The following CCDC142 variants were observed in gnomAD, a reference collection of about 807,000 sequenced individuals.
CCDC142 encodes the protein coiled-coil domain containing 142.
Under a neutral mutation model 83.8 loss-of-function variants are expected in CCDC142, and 67 were observed. That is an observed-to-expected ratio of 0.80 (90% CI 0.66 to 0.98). CCDC142 has a LOEUF of 0.98. CCDC142 is among the 50% of genes least tolerant of loss of function. The pLI is 0.00. For missense variants in CCDC142, 905 were observed against 946.8 expected (o/e 0.96, Z 0.58); for synonymous variants, 421 against 421.2 (o/e 1.00, Z 0.01).
intron 3 of CCDC142, 55 bp from the exon 4 acceptor site, chr2:74,481,141 A>G: frequency 6.2e-7 from 1 of 1,610,512 alleles, no homozygotes; most frequent in Non-Finnish European, 8.5e-7. Flanking sequence ...TACCTTTGGG[A>G]AGAGGCAGAT....
At position 74,474,771 on chromosome 2, in the gene CCDC142, C is replaced by T. The variant is rs369646888; in HGVS notation, c.2028G>A (p.Leu676=). The T allele has an allele frequency of 1.2e-6, 2 of 1,612,580 alleles. No individual in the cohort carries two copies. Among genetic ancestry groups the T allele is most frequent in the African/African-American group, 2.7e-5 (2 of 74,906 alleles). The change falls in exon 9 of 9, where the codon TTG becomes TTA. Residue 676 remains leucine, a synonymous_variant. Coordinates refer to ENST00000393965, the MANE Select transcript of CCDC142 (RefSeq NM_001365575.2). ...CACQEVQTTK[L]PSSCLNSLES... ...CCAGGCTATTGAGGCAGCTGCTGGG[C>T]AATTTCGTGGTCTGGACCTCCTGAC... is the stretch of plus-strand genomic sequence containing the variant.
rs1324728305 is a variant in CCDC142 at position 74,480,845 on chromosome 2, G to C, written c.1427C>G (p.Ala476Gly). The change falls in exon 5 of 9, where the codon GCC (alanine) becomes GGC (glycine). Residue 476 changes from alanine (A) to glycine (G), a missense_variant. By Grantham distance (60) the Ala-to-Gly change is moderately conservative. Coordinates refer to ENST00000393965, the MANE Select transcript of CCDC142 (RefSeq NM_001365575.2). Reference sequence around the variant, plus strand: ...TTCCAGAGCTAAGCTTTCCTCTGAGGCCAGGCTATACAAAGCTTCTGCCTC... The same window carrying C: ...TTCCAGAGCTAAGCTTTCCTCTGAGCCCAGGCTATACAAAGCTTCTGCCTC... Reference protein sequence around the residue: ...LHEAEALYSLASEESLALEVE... With the variant: ...LHEAEALYSLGSEESLALEVE... 6.2e-7 allele frequency: 1 copy of C among 1,613,854 alleles called. No homozygotes were observed. The highest frequency in any genetic ancestry group is 8.5e-7 in the Non-Finnish European group (1 of 1,179,868).
Position 74,474,812 on chromosome 2 carries a change from C to G in CCDC142, c.1997-10G>C. The stretch of plus-strand genomic sequence containing the variant: ...ACCTCCTGACAAGCACCTGGTAAGG[C>G]AGGAGTGGAAGGTAGGTGGCTGCTG... On this transcript the variant is annotated splice_polypyrimidine_tract_variant and intron_variant, in intron 8 of 8. Coordinates refer to ENST00000393965, the MANE Select transcript of CCDC142 (RefSeq NM_001365575.2). The G allele has an allele frequency of 1.2e-6, 2 of 1,602,006 alleles. No individual in the cohort carries two copies. The highest frequency in any genetic ancestry group is 1.7e-6 in the Non-Finnish European group (2 of 1,172,676).
intron 5 of CCDC142, among the ~76,000 whole-genome samples, chr2:74,477,938 C>T (rs940499524): frequency 1.3e-5 from 2 of 150,096 alleles, no homozygotes; most frequent in Non-Finnish European, 3.0e-5. Context: ...AAGAACAGGG[C>T]ACATGTTCTC....
chr2:74,478,264 G>A, intron 5 of CCDC142, among the ~76,000 whole-genome samples: 1 of 151,440 alleles, frequency 6.6e-6, no homozygotes. Flanking sequence ...GTTTCACCAT[G>A]TTGGCCAGGC....
Position 74,475,571 on chromosome 2 carries a change from C to A in CCDC142, c.1618+41G>T, listed in dbSNP as rs762110529. ...TTGGAAGGGCTGAGACACTATTACC[C>A]CCTTGGAACTCTGGAAGGAGAAGCT... is the stretch of plus-strand genomic sequence containing the variant. On this transcript the variant is annotated intron_variant, in intron 6 of 8. Coordinates refer to ENST00000393965, the MANE Select transcript of CCDC142 (RefSeq NM_001365575.2). 5 of 1,553,182 alleles carry A rather than the reference C, an allele frequency of 3.2e-6. No homozygotes were observed. The South Asian group carries it at 4.5e-5, about 14-fold the overall frequency.
Position 74,475,613 on chromosome 2 carries a change from AG to A in CCDC142, c.1616del (p.Pro539LeufsTer13). 6.2e-7 allele frequency: 1 copy of A among 1,612,154 alleles called. No homozygotes were observed. The highest frequency in any genetic ancestry group is 8.5e-7 in the Non-Finnish European group (1 of 1,178,284). On this transcript the variant is annotated frameshift_variant and splice_region_variant, in exon 6 of 9. Coordinates refer to ENST00000393965, the MANE Select transcript of CCDC142 (RefSeq NM_001365575.2). LOFTEE classifies it high-confidence loss of function. The part of the protein sequence containing the change: ...RGRYWRLRLC[P>X]EPPSAPSEYA... Reference sequence around the variant, plus strand: ...GGAGAAGCTGGGATGAGGAGTTACCAGGACAGAGACGAAGCCGCCAGTACCG... The same window carrying A: ...GGAGAAGCTGGGATGAGGAGTTACCAGACAGAGACGAAGCCGCCAGTACCG...
In CCDC142 at chr2:74,482,787, G is replaced by A. The variant is rs771582735; in HGVS notation, c.51C>T (p.Pro17=). 1 of 1,600,370 alleles carries A rather than the reference G, an allele frequency of 6.2e-7. No homozygotes were observed. The highest frequency in any genetic ancestry group is 8.5e-7 in the Non-Finnish European group (1 of 1,179,950). Reference sequence around the variant, plus strand: ...TGCCCCCGGGTTGCGCCCTCAGCGGGGGCACGATAACGAGTGGAGGCAGGC... The same window carrying A: ...TGCCCCCGGGTTGCGCCCTCAGCGGAGGCACGATAACGAGTGGAGGCAGGC... ...SGSLPPLVIV[P]PLRAQPGGTG... Residue 17 remains proline (P), a synonymous_variant, in exon 1 of 9, where the codon CCC becomes CCT. Transcript: ENST00000393965. The surrounding 1 kb of genome is among the most constrained non-coding windows in gnomAD (Gnocchi z 5.0).
Position 74,473,042 on chromosome 2 carries a change from C to A in CCDC142, c.*1504G>T. On this transcript the variant is annotated 3_prime_UTR_variant, in exon 9 of 9. Transcript: ENST00000393965. The stretch of plus-strand genomic sequence containing the variant: ...ACTCGATCTTAAATCCTGGCTTCTT[C>A]CAAAGAGAGAGCACTAACACAAGCC... The A allele has an allele frequency of 3.3e-6, 1 of 304,196 alleles. No homozygotes were observed. The highest frequency in any genetic ancestry group is 9.9e-5 in the East Asian group (1 of 10,086). The allele number at this position is 304,196 out of a possible 1,614,324, so 18.8% of individuals were successfully genotyped here. A position where few individuals can be genotyped will look rare whatever the true frequency, so the allele number is the denominator to read the frequency against.
chr2:74,474,208 C>G lies in CCDC142; in HGVS notation c.*338G>C, dbSNP rs1023558693. ...ACACCATTCTCCTGCCTCAGCCTCC[C>G]GAGTAGCTGGGACTACAGGCACCCG... On this transcript the variant is annotated 3_prime_UTR_variant, in exon 9 of 9. Transcript: ENST00000393965. The G allele has an allele frequency of 1.1e-5, 2 of 178,886 alleles. No individual in the cohort carries two copies. The highest frequency in any genetic ancestry group is 4.8e-5 in the African/African-American group (2 of 41,368). The allele number at this position is 178,886 out of a possible 1,614,324, so 11.1% of individuals were successfully genotyped here. A position where few individuals can be genotyped will look rare whatever the true frequency, so the allele number is the denominator to read the frequency against.
chr2:74,480,652 T>C, intron 5 of CCDC142, 117 bp downstream of exon 5: 1 of 661,572 alleles, frequency 1.5e-6, no homozygotes. Flanking sequence ...AAAAGATACA[T>C]TTAGCAGAGA....
rs1451190505 is a variant in CCDC142 at position 74,481,496 on chromosome 2, C to T, written c.1064G>A (p.Cys355Tyr). The change falls in exon 2 of 9, where the codon TGT (cysteine) becomes TAT (tyrosine). Residue 355 changes from cysteine (C) to tyrosine (Y), a missense_variant. Coordinates refer to ENST00000393965, the MANE Select transcript of CCDC142 (RefSeq NM_001365575.2). ...QECEKELASL[C>Y]HRLLHQSLIW... ...AAGCGACTGATGAAGTAGTCTGTGA[C>T]ACAAAGATGCCAGCTCCTTCTCACA... The T allele has an allele frequency of 6.2e-7, 1 of 1,614,162 alleles. No homozygotes were observed. The highest frequency in any genetic ancestry group is 8.5e-7 in the Non-Finnish European group (1 of 1,180,012).
At position 74,482,977 on chromosome 2, in the gene CCDC142, T is replaced by G. The variant is rs1274884547; in HGVS notation, c.-140A>C. On this transcript the variant is annotated 5_prime_UTR_variant, in exon 1 of 9. Coordinates refer to ENST00000393965, the MANE Select transcript of CCDC142 (RefSeq NM_001365575.2). This position sits in a 1 kb window ranked among gnomAD's most constrained non-coding sequence, Gnocchi z 5.0. ...GCGGGGACCTTCATGGACTCTCTCG[T>G]GCTCCGTAATGGGAGGCTTCTGCCC... is the stretch of plus-strand genomic sequence containing the variant. The G allele has an allele frequency of 2.5e-6, 4 of 1,571,062 alleles. No homozygotes were observed. In the South Asian group the frequency reaches 4.5e-5, roughly 18 times the overall value.
chr2:74,476,766 G>A (rs1672335480), intron 5 of CCDC142, among the ~76,000 whole-genome samples: 1 of 152,176 alleles, frequency 6.6e-6, no homozygotes, highest in Admixed American at 6.6e-5. Context: ...CCATCTTGAG[G>A]GAGAGGAACC....
Position 74,475,160 on chromosome 2 carries a change from C to T in CCDC142, c.1797-45G>A, listed in dbSNP as rs191829935. ...ATGGCCACTTGACCCTCCTGCCTCT[C>T]CCACTTATCCCCTTCCTTTTCCCAG... is the stretch of plus-strand genomic sequence containing the variant. On this transcript the variant is annotated intron_variant, in intron 7 of 8. Transcript: ENST00000393965. The T allele has an allele frequency of 6.2e-4, 997 of 1,612,440 alleles. 8 individuals are homozygous for T. The African/African-American group carries it at 0.011, about 18-fold the overall frequency.
rs141225794 is a variant in CCDC142 at position 74,474,648 on chromosome 2, G to A, written c.2151C>T (p.Tyr717=). The part of the protein sequence containing the change: ...LGGRGPSPEG[Y]LVGNQQAWLA... ...GCCAGGCCTGCTGATTTCCCACCAG[G>A]TAGCCCTCCGGGCTAGGTCCCCTTC... Residue 717 remains tyrosine (Y), a synonymous_variant, in exon 9 of 9, where the codon TAC becomes TAT. Coordinates refer to ENST00000393965, the MANE Select transcript of CCDC142 (RefSeq NM_001365575.2). 8 of 1,614,102 alleles carry A rather than the reference G, an allele frequency of 5.0e-6. No individual in the cohort carries two copies. The highest frequency in any genetic ancestry group is 3.3e-4 in the Middle Eastern group (2 of 6,084).
Position 74,475,205 on chromosome 2 carries a change from C to G in CCDC142, c.1796+20G>C. 1 of 1,614,174 alleles carries G rather than the reference C, an allele frequency of 6.2e-7. No homozygotes were observed. Among genetic ancestry groups the G allele is most frequent in the South Asian group, 1.1e-5 (1 of 91,082 alleles). On this transcript the variant is annotated intron_variant, in intron 7 of 8. Coordinates refer to ENST00000393965, the MANE Select transcript of CCDC142 (RefSeq NM_001365575.2). ...TCCCAGTTCCATTCACCCCCTGCCA[C>G]TTCCACCTTTACTCCTGACCTGAAC...
chr2:74,477,537 A>G (rs956297788), intron 5 of CCDC142, among the ~76,000 whole-genome samples: 3 of 152,144 alleles, frequency 2.0e-5, no homozygotes, highest in African/African-American at 7.2e-5. Context: ...TACCCACAAA[A>G]GGAACCTCTG....
chr2:74,477,370 G>A (rs1218837705), intron 5 of CCDC142, among the ~76,000 whole-genome samples: 2 of 152,050 alleles, frequency 1.3e-5, no homozygotes, highest in Non-Finnish European at 2.9e-5. Flanking sequence ...CACCCATCTC[G>A]GCCTCCCGAA....
Sources: gnomAD v4.1 joint callset for allele counts (sites outside exome capture counted in the v4.1 genomes callset) on GRCh38, gnomAD v4.1.1 for gene constraint, Gnocchi (gnomAD v3.1) non-coding constraint, MANE v1.5 for transcripts, NCBI Gene and HGNC (gene_info 2026-07-23, HGNC 2026-07-21) for gene names.